Variants in MCF2 observed in about 807,000 individuals in gnomAD.
The protein encoded by MCF2 is proto-oncogene DBL.
Under a neutral mutation model 82.5 loss-of-function variants are expected in MCF2, and 44 were observed. That is an observed-to-expected ratio of 0.53 (90% CI 0.42 to 0.69). The LOEUF (loss-of-function observed/expected upper bound fraction) is 0.69. Among genes scored for constraint, MCF2 ranks in the 30% least tolerant of loss-of-function variants. The pLI, the probability that MCF2 is intolerant of heterozygous loss-of-function variation, is 0.00. For synonymous variants in MCF2, 217 were observed against 224.9 expected, an observed-to-expected ratio of 0.96 and a Z score of 0.32; for missense variants, 623 against 663.1, an observed-to-expected ratio of 0.94 and a Z score of 0.66.
At chrX:139,642,682 GAA>G (rs200847661) in exon 1 of MCF2, 1,187 of 936,039 alleles carry the variant, frequency 1.3e-3, no homozygotes, top group East Asian at 4.2e-3. Flanking sequence ...TGCTGGGGAG[GAA>G]AAAAAAAAAA....
intron 1 of MCF2, among the ~76,000 whole-genome samples, chrX:139,636,857 A>G (rs1036400131): frequency 1.8e-5 from 2 of 112,004 alleles, no homozygotes; most frequent in African/African-American, 3.2e-5. Flanking sequence ...CTATTTAATA[A>G]AGTGGATTAT....
chrX:139,691,798 G>T, intron 1 of MCF2: 1 of 556,288 alleles, frequency 1.8e-6, no homozygotes, highest in Non-Finnish European at 3.0e-6. Flanking sequence ...AGTGCGCGCG[G>T]GGAGGGGTGT....
At chrX:139,646,168 A>G (rs1933794465), upstream of MCF2, among the ~76,000 whole-genome samples, 1 of 111,760 alleles carries the variant, frequency 8.9e-6, no homozygotes, top group Admixed American at 9.5e-5. Flanking sequence ...GTACATTGTA[A>G]GTTTCATTTT....
chrX:139,655,623 A>C (rs1354844690), intron 1 of MCF2, among the ~76,000 whole-genome samples: 1 of 110,955 alleles, frequency 9.0e-6, no homozygotes, highest in Non-Finnish European at 1.9e-5. Flanking sequence ...TGCACCCATT[A>C]ACTCGTTATT....
chrX:139,702,129 T>A (rs951164688), intron 1 of MCF2, among the ~76,000 whole-genome samples: 4 of 111,631 alleles, frequency 3.6e-5, no homozygotes, highest in Non-Finnish European at 7.5e-5. Flanking sequence ...AAAACAGACA[T>A]CCCCCTACTC....
At chrX:139,640,990 C>G (rs147720978) in intron 1 of MCF2, among the ~76,000 whole-genome samples, 188 of 110,198 alleles carry the variant, frequency 1.7e-3, no homozygotes, top group Non-Finnish European at 3.0e-3. Flanking sequence ...CATGTCTTAC[C>G]CTTTCTATTA....
intron 6 of MCF2, among the ~76,000 whole-genome samples, chrX:139,622,090 A>T (rs866146717): frequency 1.7e-4 from 19 of 112,249 alleles, no homozygotes; most frequent in Non-Finnish European, 7.5e-5. Context: ...GACACTTCTC[A>T]AAAGAAGACA....
intron 5 of MCF2, 143 bp downstream of exon 8, chrX:139,626,480 C>A (rs768320254): frequency 1.5e-6 from 1 of 677,375 alleles, no homozygotes; most frequent in Non-Finnish European, 2.3e-6. Context: ...GCAAAATCAT[C>A]TCTGTAGGAC....
chrX:139,635,291 G>A (rs1259588934), intron 1 of MCF2, among the ~76,000 whole-genome samples: 1 of 109,292 alleles, frequency 9.1e-6, no homozygotes, highest in African/African-American at 3.3e-5. Flanking sequence ...GAAACAGAGA[G>A]TTCCAACGGT....
At chrX:139,622,013 G>T (rs1200273836) in intron 6 of MCF2, among the ~76,000 whole-genome samples, 1 of 111,117 alleles carries the variant, frequency 9.0e-6, no homozygotes, top group Non-Finnish European at 1.9e-5. Flanking sequence ...AATCCACAAT[G>T]AACTCAAACA....
chrX:139,599,082 T>A (rs1237974634), intron 16 of MCF2, among the ~76,000 whole-genome samples: 2 of 109,573 alleles, frequency 1.8e-5, no homozygotes, highest in East Asian at 5.8e-4. Context: ...TAGGATGAAA[T>A]GTGCATAGAG....
In MCF2 at chrX:139,673,151, C is replaced by T. The variant is rs183317255; in HGVS notation, c.-44-21363G>A. ...ATGGTAGTTTGTATTTCTGTGGGAT[C>T]GGTGGTGATATCCCCCTTATCATTT... On this transcript the variant is annotated intron_variant, in intron 1 of 27. Coordinates refer to the MCF2 transcript ENST00000414978. Among the ~76,000 whole-genome samples, 718 of 111,604 alleles carry T rather than the reference C, an allele frequency of 6.4e-3. 5 individuals carry two copies. Among genetic ancestry groups the T allele is most frequent in the African/African-American group, 0.021 (642 of 30,713 alleles).
intron 2 of MCF2, among the ~76,000 whole-genome samples, chrX:139,650,214 C>T (rs1016186818): frequency 9.0e-6 from 1 of 111,252 alleles, no homozygotes; most frequent in East Asian, 2.8e-4. Flanking sequence ...ATTAGCTAGG[C>T]GTGGTGGCAC....
intron 13 of MCF2, 95 bp from the exon 18 acceptor site, chrX:139,605,079 T>C (rs1930877429): frequency 5.6e-6 from 2 of 354,485 alleles, no homozygotes; most frequent in Admixed American, 8.8e-5. Context: ...TATTAAGGGA[T>C]TTGATGGTGA....
chrX:139,629,102 A>G (rs73634055), intron 4 of MCF2, among the ~76,000 whole-genome samples: 3,437 of 112,049 alleles, frequency 0.031, 148 homozygotes, highest in African/African-American at 0.1. Flanking sequence ...ATTGTTAGGC[A>G]ATTTCATCAT....
At chrX:139,635,477 GA>G (rs1334049240) in intron 1 of MCF2, among the ~76,000 whole-genome samples, 1 of 110,712 alleles carries the variant, frequency 9.0e-6, no homozygotes, top group Non-Finnish European at 1.9e-5. Context: ...CCAACATGGT[GA>G]AAACCCGTTT....
intron 1 of MCF2, among the ~76,000 whole-genome samples, chrX:139,692,886 A>G (rs1255502700): frequency 1.8e-5 from 2 of 112,386 alleles, no homozygotes; most frequent in Non-Finnish European, 3.8e-5. Context: ...GTCTTTGGAT[A>G]TGCCAAGTCC....
At chrX:139,594,346 C>T (rs1406550729) in intron 19 of MCF2, among the ~76,000 whole-genome samples, 18 of 111,541 alleles carry the variant, frequency 1.6e-4, no homozygotes, top group African/African-American at 5.9e-4. Context: ...CTACACTAAC[C>T]AAAACAGCAT....
chrX:139,614,590 G>GA (rs1444901530), intron 10 of MCF2, among the ~76,000 whole-genome samples: 1 of 109,427 alleles, frequency 9.1e-6, no homozygotes, highest in East Asian at 2.9e-4. Context: ...TCACCTGCTG[G>GA]AAAAAAATGC....
Sources: gnomAD v4.1 joint callset for allele counts (sites outside exome capture counted in the v4.1 genomes callset) on GRCh38, gnomAD v4.1.1 for gene constraint, MANE v1.5 for transcripts, NCBI Gene and HGNC (gene_info 2026-07-23, HGNC 2026-07-21) for gene names.